Variants in CDC14A observed in about 807,000 individuals in gnomAD.
The protein encoded by CDC14A is dual specificity protein phosphatase CDC14A.
Under a neutral mutation model 74.4 loss-of-function variants are expected in CDC14A, and 53 were observed. The observed-to-expected ratio is 0.71, with a 90% CI of 0.57 to 0.89. The LOEUF (loss-of-function observed/expected upper bound fraction) is 0.89. Among genes scored for constraint, CDC14A ranks in the 40% least tolerant of loss-of-function variants. The pLI, the probability that CDC14A is intolerant of heterozygous loss-of-function variation, is 0.00. For synonymous variants in CDC14A, 247 were observed against 258.4 expected (o/e 0.96, Z 0.43); for missense variants, 646 against 713.7 (o/e 0.91, Z 1.08).
chr1:100,471,175 A>C (rs1366080614), intron 10 of CDC14A, among the ~76,000 whole-genome samples: 1 of 152,196 alleles, frequency 6.6e-6, no homozygotes, highest in Admixed American at 6.5e-5. Context: ...CAGACACAAA[A>C]TAATACATGC....
chr1:100,483,477 TA>T (rs1186082185), intron 10 of CDC14A, among the ~76,000 whole-genome samples: 1 of 152,192 alleles, frequency 6.6e-6, no homozygotes, highest in African/African-American at 2.4e-5. Flanking sequence ...TAGATGTTGA[TA>T]TTTTTTATGA....
At chr1:100,350,191 G>A (rs538007472), upstream of CDC14A, among the ~76,000 whole-genome samples, 10 of 152,188 alleles carry the variant, frequency 6.6e-5, no homozygotes, top group East Asian at 1.4e-3. Flanking sequence ...CTGCCCTCAG[G>A]TGATCCACCT....
chr1:100,511,161 C>T (rs1649744077), intron 15 of CDC14A, among the ~76,000 whole-genome samples: 1 of 152,162 alleles, frequency 6.6e-6, no homozygotes, highest in African/African-American at 2.4e-5. Flanking sequence ...AGCCTCTTAC[C>T]CTCCGTTTGC....
At chr1:100,355,109 G>T (rs1651703751) in intron 2 of CDC14A, among the ~76,000 whole-genome samples, 1 of 152,240 alleles carries the variant, frequency 6.6e-6, no homozygotes. Flanking sequence ...CCTGGTGTCA[G>T]ATTACAGCTC....
chr1:100,456,354 G>C (rs2101186815), intron 8 of CDC14A, among the ~76,000 whole-genome samples: 1 of 152,196 alleles, frequency 6.6e-6, no homozygotes, highest in Non-Finnish European at 1.5e-5. Flanking sequence ...AACAAGTAAT[G>C]ATAGACAACA....
At chr1:100,431,548 A>C (rs1663681895) in intron 5 of CDC14A, among the ~76,000 whole-genome samples, 1 of 152,102 alleles carries the variant, frequency 6.6e-6, no homozygotes, top group Non-Finnish European at 1.5e-5. Context: ...TTTATTTTTA[A>C]AGAAAAATTG....
chr1:100,352,854 G>C lies in CDC14A; in HGVS notation c.-101G>C, dbSNP rs1453658576. 1.9e-6 allele frequency: 3 copies of C among 1,591,718 alleles called. No individual in the cohort carries two copies. In the South Asian group the frequency reaches 3.4e-5, roughly 18 times the overall value. On this transcript the variant is annotated 5_prime_UTR_variant, in exon 1 of 16. Coordinates refer to ENST00000336454, the MANE Select transcript of CDC14A (RefSeq NM_003672.4). The stretch of plus-strand genomic sequence containing the variant: ...TCCCTCGGCCAGGCTTGTTGTTCGG[G>C]ACTGTGAGCTTCCTGGCTCCTGGGC...
intron 1 of CDC14A, among the ~76,000 whole-genome samples, chr1:100,347,370 GTGCTAAATCCCTTGAGTTTGA>G (rs1650514347): frequency 1.3e-5 from 2 of 152,212 alleles, no homozygotes; most frequent in Admixed American, 1.3e-4. Flanking sequence ...TATTGGGCCT[GTGCTAAATCCCTTGAGTTTGA>G]TGGAGTCTGT....
chr1:100,428,496 C>T (rs1202874568), intron 5 of CDC14A, among the ~76,000 whole-genome samples: 2 of 152,180 alleles, frequency 1.3e-5, no homozygotes, highest in African/African-American at 4.8e-5. Flanking sequence ...TCAGACTCAG[C>T]AGAGTTTGAA....
rs1322973439 is a variant in CDC14A, at chr1:100,474,043, G to A, written c.977+5949G>A. Among the ~76,000 whole-genome samples, 3 of 151,950 alleles carry A rather than the reference G, an allele frequency of 2.0e-5. No homozygotes were observed. In the East Asian group the frequency reaches 5.8e-4, roughly 29 times the overall value. ...TCCCCTCTATTTCTGTGTTTCTGAG[G>A]GTTCTTATCATGAATGAGTGTTGAA... On this transcript the variant is annotated intron_variant, in intron 10 of 15. Transcript: ENST00000336454.
In CDC14A at chr1:100,455,389, T is replaced by A. The variant is rs28364872; in HGVS notation, c.520-16T>A. The A allele has an allele frequency of 6.4e-7, 1 of 1,557,560 alleles. No individual in the cohort carries two copies. On this transcript the variant is annotated splice_polypyrimidine_tract_variant and intron_variant, in intron 7 of 15. Transcript: ENST00000336454. ...ATAAAATATTTTTCTTCTCTTTTCT[T>A]ACAAAATTCTGCCAGCGAGTTGAAA...
intron 2 of CDC14A, among the ~76,000 whole-genome samples, chr1:100,374,728 A>G (rs1030569996): frequency 2.0e-5 from 3 of 152,208 alleles, no homozygotes; most frequent in Non-Finnish European, 4.4e-5. Flanking sequence ...ATGTAATGAC[A>G]TAGTTATGAT....
chr1:100,386,328 C>A (rs1362679776), intron 3 of CDC14A, among the ~76,000 whole-genome samples: 1 of 152,124 alleles, frequency 6.6e-6, no homozygotes, highest in African/African-American at 2.4e-5. Flanking sequence ...TTCTGTGACC[C>A]TCTCTATTTT....
At chr1:100,384,333 G>A (rs1656554375) in intron 3 of CDC14A, among the ~76,000 whole-genome samples, 1 of 152,136 alleles carries the variant, frequency 6.6e-6, no homozygotes, top group Non-Finnish European at 1.5e-5. Flanking sequence ...GTTTGATTAT[G>A]TTAATTGATA....
At chr1:100,487,549 G>A (rs908903645) in intron 11 of CDC14A, among the ~76,000 whole-genome samples, 1 of 131,078 alleles carries the variant, frequency 7.6e-6, no homozygotes, top group African/African-American at 2.7e-5. Flanking sequence ...AACAGAGTGA[G>A]ACTCGGTCTC....
chr1:100,367,487 A>G (rs975146623), intron 2 of CDC14A, among the ~76,000 whole-genome samples: 2 of 152,232 alleles, frequency 1.3e-5, no homozygotes, highest in Admixed American at 1.3e-4. Flanking sequence ...CAATTTTTCA[A>G]TGATCTTGAC....
intron 8 of CDC14A, chr1:100,462,270 G>GT (rs1242441328): frequency 4.9e-6 from 1 of 202,298 alleles, no homozygotes; most frequent in African/African-American, 2.4e-5. Flanking sequence ...GTTGAAAACT[G>GT]TTTGTCAAGT....
At chr1:100,394,072 T>C in intron 4 of CDC14A, 10 of 220,222 alleles carry the variant, frequency 4.5e-5, no homozygotes, top group South Asian at 1.4e-4. Context: ...TCTTTACCCC[T>C]TTTTCCCTCC....
At chr1:100,466,485 T>C (rs540476733) in intron 9 of CDC14A, among the ~76,000 whole-genome samples, 4 of 152,052 alleles carry the variant, frequency 2.6e-5, no homozygotes, top group Non-Finnish European at 5.9e-5. Context: ...GAAAGAACAT[T>C]GATGTTTGAT....
Sources: allele counts gnomAD v4.1 joint callset (sites outside exome capture counted in the v4.1 genomes callset), GRCh38; gene constraint gnomAD v4.1.1; transcripts MANE v1.5; gene names NCBI Gene and HGNC (gene_info 2026-07-23, HGNC 2026-07-21).